GRIN2B: variants seen among roughly 807,000 people sequenced by gnomAD.
The protein encoded by GRIN2B is glutamate receptor ionotropic, NMDA 2B.
Under a neutral mutation model 114.5 loss-of-function variants are expected in GRIN2B, and 5 were observed. The ratio of observed to expected loss-of-function variants is 0.04; its 90% CI spans 0.02 to 0.09. The LOEUF is 0.09. GRIN2B is among the 10% of genes least tolerant of loss of function. GRIN2B has a pLI of 1.00. For missense variants in GRIN2B, 1,108 were observed against 1,943.5 expected, an observed-to-expected ratio of 0.57 and a Z score of 8.08; for synonymous variants, 787 against 745.1, an observed-to-expected ratio of 1.06 and a Z score of -0.92.
chr12:13,605,327 G>C (rs781388762), intron 10 of GRIN2B, among the ~76,000 whole-genome samples: 3 of 152,068 alleles, frequency 2.0e-5, no homozygotes, highest in Non-Finnish European at 4.4e-5. Context: ...TCTAGGTTTT[G>C]AAGTTTCAGT....
chr12:13,702,122 G>A (rs76157953), intron 4 of GRIN2B, among the ~76,000 whole-genome samples: 125 of 152,230 alleles, frequency 8.2e-4, no homozygotes, highest in African/African-American at 2.8e-3. Flanking sequence ...TTTCATGTAC[G>A]TAATTGTTCT....
At chr12:13,949,538 G>C (rs557643926) in intron 2 of GRIN2B, among the ~76,000 whole-genome samples, 3 of 152,242 alleles carry the variant, frequency 2.0e-5, no homozygotes, top group East Asian at 3.9e-4. Flanking sequence ...CAAAGCCACC[G>C]ACATAAGGTG....
At chr12:13,913,676 G>A (rs922809428) in intron 2 of GRIN2B, among the ~76,000 whole-genome samples, 10 of 152,174 alleles carry the variant, frequency 6.6e-5, no homozygotes, top group East Asian at 1.9e-4. Flanking sequence ...AACACTAGAC[G>A]AGGCACATAC....
At chr12:13,583,164 A>T (rs1948874811) in intron 10 of GRIN2B, among the ~76,000 whole-genome samples, 1 of 152,240 alleles carries the variant, frequency 6.6e-6, no homozygotes, top group Non-Finnish European at 1.5e-5. Context: ...GGCATAAACC[A>T]CATATAAGCC....
intron 3 of GRIN2B, among the ~76,000 whole-genome samples, chr12:13,778,765 C>G (rs1277799938): frequency 6.6e-6 from 1 of 152,012 alleles, no homozygotes; most frequent in African/African-American, 2.4e-5. Context: ...GAAACCCGTA[C>G]TTTTAAGTAA....
At chr12:13,581,779 G>T (rs552303130) in intron 10 of GRIN2B, among the ~76,000 whole-genome samples, 5 of 151,980 alleles carry the variant, frequency 3.3e-5, no homozygotes, top group African/African-American at 4.8e-5. Context: ...GTGTGGTGGC[G>T]CATGCCTGTA....
chr12:13,777,049 TC>T (rs1253547785), intron 3 of GRIN2B, among the ~76,000 whole-genome samples: 3 of 152,020 alleles, frequency 2.0e-5, no homozygotes, highest in Admixed American at 6.5e-5. Flanking sequence ...GCCAAGGGAA[TC>T]CCAAGCCCTA....
At chr12:13,605,994 C>T (rs1338090457) in intron 10 of GRIN2B, among the ~76,000 whole-genome samples, 1 of 152,142 alleles carries the variant, frequency 6.6e-6, no homozygotes, top group Admixed American at 6.5e-5. Flanking sequence ...ACACTACACC[C>T]CTGCCATGTC....
chr12:13,933,826 G>C (rs986996074), intron 2 of GRIN2B, among the ~76,000 whole-genome samples: 6 of 152,158 alleles, frequency 3.9e-5, no homozygotes, highest in African/African-American at 1.2e-4. Context: ...GTTTGGGATG[G>C]GGACAGGTCT....
chr12:13,783,288 C>G (rs1864154127), intron 3 of GRIN2B, among the ~76,000 whole-genome samples: 1 of 152,002 alleles, frequency 6.6e-6, no homozygotes, highest in Non-Finnish European at 1.5e-5. Flanking sequence ...ACCTCACACA[C>G]CAGGGATAAA....
intron 2 of GRIN2B, among the ~76,000 whole-genome samples, chr12:13,941,312 C>T (rs896001128): frequency 6.6e-6 from 1 of 152,198 alleles, no homozygotes; most frequent in Admixed American, 6.5e-5. Context: ...TAGCACACAG[C>T]TCCCCACAAA....
At chr12:13,845,660 C>G (rs1433575077) in intron 3 of GRIN2B, among the ~76,000 whole-genome samples, 1 of 152,160 alleles carries the variant, frequency 6.6e-6, no homozygotes, top group African/African-American at 2.4e-5. Flanking sequence ...AGACTAGTCT[C>G]TAAGATCCCT....
intron 2 of GRIN2B, among the ~76,000 whole-genome samples, chr12:13,869,077 T>C (rs1487147154): frequency 1.3e-5 from 2 of 152,208 alleles, no homozygotes; most frequent in East Asian, 3.8e-4. Context: ...CACCATAGCC[T>C]GCATGTATCT....
chr12:13,909,564 C>T (rs1171932594), intron 2 of GRIN2B, among the ~76,000 whole-genome samples: 1 of 152,210 alleles, frequency 6.6e-6, no homozygotes, highest in Non-Finnish European at 1.5e-5. Flanking sequence ...ATAACAGACA[C>T]AGGTACCACA....
intron 3 of GRIN2B, among the ~76,000 whole-genome samples, chr12:13,820,984 C>T (rs1864923496): frequency 6.6e-6 from 1 of 152,088 alleles, no homozygotes; most frequent in African/African-American, 2.4e-5. Flanking sequence ...CAGTCTGCCC[C>T]AACTGGTTTT....
intron 3 of GRIN2B, among the ~76,000 whole-genome samples, chr12:13,846,241 T>C (rs552030054): frequency 2.0e-5 from 3 of 152,210 alleles, no homozygotes; most frequent in Non-Finnish European, 4.4e-5. Context: ...ATGCAATGAA[T>C]ATTTCCATTC....
At chr12:13,671,918 A>G (rs548715189) in intron 5 of GRIN2B, among the ~76,000 whole-genome samples, 1 of 152,294 alleles carries the variant, frequency 6.6e-6, no homozygotes, top group East Asian at 1.9e-4. Flanking sequence ...GCAAGTAAGC[A>G]AAACGCCAGA....
intron 2 of GRIN2B, among the ~76,000 whole-genome samples, chr12:13,906,321 C>T (rs1216900702): frequency 2.0e-5 from 3 of 152,138 alleles, no homozygotes; most frequent in Admixed American, 6.5e-5. Flanking sequence ...AACCTCTTGT[C>T]CTCCTATGTC....
chr12:13,691,082 C>G (rs1385155717), intron 4 of GRIN2B, among the ~76,000 whole-genome samples: 1 of 152,078 alleles, frequency 6.6e-6, no homozygotes, highest in Non-Finnish European at 1.5e-5. Context: ...ATCTTTTTCT[C>G]AATCTTCACA....
Sources: gnomAD v4.1 joint callset for allele counts (sites outside exome capture counted in the v4.1 genomes callset) on GRCh38, gnomAD v4.1.1 for gene constraint, MANE v1.5 for transcripts, NCBI Gene and HGNC (gene_info 2026-07-23, HGNC 2026-07-21) for gene names.